Variants in ANKRD44 observed in about 807,000 individuals in gnomAD.
ANKRD44 encodes serine/threonine-protein phosphatase 6 regulatory ankyrin repeat subunit B.
Under a neutral mutation model 116.0 loss-of-function variants are expected in ANKRD44, and 35 were observed. The ratio of observed to expected loss-of-function variants is 0.30; its 90% confidence interval spans 0.23 to 0.40. ANKRD44 has a LOEUF of 0.40. Among genes scored for constraint, ANKRD44 ranks in the 10% least tolerant of loss-of-function variants. ANKRD44 has a pLI of 1.00. For missense variants in ANKRD44, 1,014 were observed against 1,242.6 expected, an observed-to-expected ratio of 0.82 and a Z score of 2.77; for synonymous variants, 435 against 461.8, an observed-to-expected ratio of 0.94 and a Z score of 0.74.
At chr2:197,074,708 G>A (rs1395016303) in intron 16 of ANKRD44, among the ~76,000 whole-genome samples, 1 of 152,026 alleles carries the variant, frequency 6.6e-6, no homozygotes, top group Non-Finnish European at 1.5e-5. Context: ...TGAATTCCTG[G>A]ACTCAAGCAA....
intron 1 of ANKRD44, among the ~76,000 whole-genome samples, chr2:197,275,845 G>A (rs908617466): frequency 2.2e-4 from 34 of 152,166 alleles, no homozygotes; most frequent in African/African-American, 7.7e-4. Flanking sequence ...TAAAAGAGGG[G>A]GAAAGAGTTT....
At chr2:197,258,942 T>C (rs2082526999) in intron 1 of ANKRD44, among the ~76,000 whole-genome samples, 1 of 152,214 alleles carries the variant, frequency 6.6e-6, no homozygotes, top group African/African-American at 2.4e-5. Flanking sequence ...TCTGAGTAGA[T>C]ATTCATGAAG....
chr2:197,018,776 C>T (rs547589174), intron 17 of ANKRD44, among the ~76,000 whole-genome samples: 3 of 152,224 alleles, frequency 2.0e-5, no homozygotes, highest in South Asian at 2.1e-4. Flanking sequence ...ATATTTATTA[C>T]TATTTTTGGT....
At chr2:197,255,655 G>A (rs558918298) in intron 1 of ANKRD44, among the ~76,000 whole-genome samples, 4 of 152,358 alleles carry the variant, frequency 2.6e-5, no homozygotes, top group Admixed American at 6.5e-5. Context: ...TTTCTAGGCT[G>A]TTACATGCTT....
At chr2:197,226,368 T>G (rs931212892) in intron 1 of ANKRD44, among the ~76,000 whole-genome samples, 41 of 152,188 alleles carry the variant, frequency 2.7e-4, no homozygotes, top group African/African-American at 9.6e-4. Flanking sequence ...TCACCAATAT[T>G]TCTTAAGAGT....
chr2:197,181,223 A>T (rs1373749122), intron 2 of ANKRD44, among the ~76,000 whole-genome samples: 1 of 152,216 alleles, frequency 6.6e-6, no homozygotes, highest in Admixed American at 6.5e-5. Context: ...AGCTTTACAA[A>T]AAAAATTTTT....
chr2:197,041,245 C>T (rs1362925080), intron 16 of ANKRD44, among the ~76,000 whole-genome samples: 1 of 152,172 alleles, frequency 6.6e-6, no homozygotes, highest in Non-Finnish European at 1.5e-5. Context: ...TCTTCTTAGG[C>T]TCCGAGACTG....
chr2:197,028,245 C>G (rs2076635865), intron 16 of ANKRD44, among the ~76,000 whole-genome samples: 1 of 152,022 alleles, frequency 6.6e-6, no homozygotes, highest in South Asian at 2.1e-4. Flanking sequence ...AAAATAGAGA[C>G]AGGGTCTCAC....
At chr2:197,127,606 G>A (rs1026802079) in intron 4 of ANKRD44, among the ~76,000 whole-genome samples, 29 of 152,264 alleles carry the variant, frequency 1.9e-4, no homozygotes, top group African/African-American at 5.8e-4. Flanking sequence ...TAATGTGGGG[G>A]AAGGGAAGCT....
At chr2:197,090,716 A>G (rs1037094682) in intron 10 of ANKRD44, among the ~76,000 whole-genome samples, 1 of 152,042 alleles carries the variant, frequency 6.6e-6, no homozygotes, top group Admixed American at 6.5e-5. Context: ...TAAACTACCC[A>G]TGGCCCTCCC....
chr2:197,094,794 T>C (rs1237395041), intron 10 of ANKRD44, among the ~76,000 whole-genome samples: 2 of 152,238 alleles, frequency 1.3e-5, no homozygotes, highest in Non-Finnish European at 2.9e-5. Flanking sequence ...GTATTTATTA[T>C]GCACCCTTAA....
At chr2:197,110,133 C>A (rs1033127505) in intron 9 of ANKRD44, among the ~76,000 whole-genome samples, 1 of 152,150 alleles carries the variant, frequency 6.6e-6, no homozygotes, top group Non-Finnish European at 1.5e-5. Context: ...CCTGCCACCA[C>A]TCCTGGCTAA....
intron 1 of ANKRD44, among the ~76,000 whole-genome samples, chr2:197,190,918 A>G (rs1173624205): frequency 6.6e-6 from 1 of 152,168 alleles, no homozygotes; most frequent in East Asian, 1.9e-4. Context: ...CATATATAAC[A>G]CGAGTGCTTT....
intron 1 of ANKRD44, among the ~76,000 whole-genome samples, chr2:197,196,254 G>A (rs1203398437): frequency 6.6e-6 from 1 of 151,986 alleles, no homozygotes; most frequent in Non-Finnish European, 1.5e-5. Flanking sequence ...GATCTTTGTG[G>A]GGAAAAAAGA....
At chr2:197,207,615 A>G (rs2081236772) in intron 1 of ANKRD44, among the ~76,000 whole-genome samples, 1 of 152,198 alleles carries the variant, frequency 6.6e-6, no homozygotes. Context: ...AATCACTGAG[A>G]AAGATCCTCT....
intron 27 of ANKRD44, chr2:196,990,734 G>T (rs2075899908): frequency 1.6e-6 from 2 of 1,232,032 alleles, no homozygotes; most frequent in African/African-American, 1.6e-5. Flanking sequence ...CCGAGCCTAC[G>T]TTGTTACTGC....
intron 2 of ANKRD44, among the ~76,000 whole-genome samples, chr2:197,177,115 G>A (rs1478939834): frequency 6.6e-6 from 1 of 152,016 alleles, no homozygotes; most frequent in Admixed American, 6.6e-5. Context: ...AATAATCTGG[G>A]TATGTGGTTA....
At chr2:197,231,374 A>G (rs2081858782) in intron 1 of ANKRD44, among the ~76,000 whole-genome samples, 1 of 152,154 alleles carries the variant, frequency 6.6e-6, no homozygotes, top group Non-Finnish European at 1.5e-5. Flanking sequence ...GGCTGCAGTG[A>G]GCTATGATCG....
chr2:197,225,174 T>C lies in ANKRD44; in HGVS notation c.28-38068A>G, dbSNP rs1574310196. Among the ~76,000 whole-genome samples, 5 of 152,356 alleles carry C rather than the reference T, an allele frequency of 3.3e-5. No individual in the cohort carries two copies. In the South Asian group the frequency reaches 8.3e-4, roughly 25 times the overall value. On this transcript the variant is annotated intron_variant, in intron 1 of 27. Transcript: ENST00000282272. ...CAAAGATTTGAAAAGAAAGGACTTA[T>C]GTGGAAAGCTTTGGTACCAGATTTA...
Sources: gnomAD v4.1 joint callset for allele counts (sites outside exome capture counted in the v4.1 genomes callset) on GRCh38, gnomAD v4.1.1 for gene constraint, MANE v1.5 for transcripts, NCBI Gene and HGNC (gene_info 2026-07-23, HGNC 2026-07-21) for gene names.